LMO7: variants seen among roughly 807,000 people sequenced by gnomAD.
LMO7 encodes LIM domain only protein 7.
A neutral mutation model predicts 206.5 loss-of-function variants in LMO7; 120 were observed. That is an observed-to-expected ratio of 0.58 (90% CI 0.50 to 0.68). The LOEUF (loss-of-function observed/expected upper bound fraction) is 0.68. Among genes scored for constraint, LMO7 ranks in the 30% least tolerant of loss-of-function variants. LMO7 has a pLI of 0.00. For missense variants in LMO7, 1,959 were observed against 1,957.9 expected (o/e 1.00, Z -0.01); for synonymous variants, 706 against 681.5 (o/e 1.04, Z -0.56).
chr13:75,625,346 A>G (rs78690534), intron 2 of LMO7, among the ~76,000 whole-genome samples: 3 of 152,190 alleles, frequency 2.0e-5, no homozygotes, highest in Admixed American at 1.3e-4. Context: ...AATAGAGACT[A>G]TGACAGCACT....
intron 1 of LMO7, among the ~76,000 whole-genome samples, chr13:75,712,665 T>C (rs576713383): frequency 1.3e-5 from 2 of 152,320 alleles, no homozygotes; most frequent in Admixed American, 1.3e-4. Context: ...AATAAATGGC[T>C]CTTTACATCA....
chr13:75,835,413 ATTTCTT>A, intron 18 of LMO7, 74 bp downstream of exon 18: 1 of 934,786 alleles, frequency 1.1e-6, no homozygotes. Context: ...GAAGAAAATA[ATTTCTT>A]TTGTTTGTAC....
intron 24 of LMO7, among the ~76,000 whole-genome samples, chr13:75,842,463 CT>C (rs1460274345): frequency 6.6e-6 from 1 of 152,116 alleles, no homozygotes; most frequent in East Asian, 1.9e-4. Context: ...ATACAGGCCC[CT>C]TCTCACTCTT....
chr13:75,645,054 A>G (rs1223932927), intron 1 of LMO7, among the ~76,000 whole-genome samples: 1 of 152,230 alleles, frequency 6.6e-6, no homozygotes, highest in Admixed American at 6.5e-5. Context: ...TATAACATTG[A>G]GTTATACTTT....
At position 75,820,721 on chromosome 13, in the gene LMO7, A is replaced by G. The variant is rs184992938; in HGVS notation, c.2208-456A>G. Among the ~76,000 whole-genome samples the G allele has an allele frequency of 4.4e-3, 667 of 152,310 alleles. 7 individuals are homozygous for G. The highest frequency in any genetic ancestry group is 0.015 in the African/African-American group (621 of 41,564). ...GATAATTTTATACATCTTGCTGGGCATGGTGGCTCATGCCTGTAATCCCAG... is the reference window on the plus strand; with the variant it reads ...GATAATTTTATACATCTTGCTGGGCGTGGTGGCTCATGCCTGTAATCCCAG... On this transcript the variant is annotated intron_variant, in intron 13 of 30. Transcript: ENST00000377534.
At chr13:75,760,885 C>T (rs1348976858) in intron 3 of LMO7, 47 bp from the exon 4 acceptor site, 2 of 1,608,996 alleles carry the variant, frequency 1.2e-6, no homozygotes, top group South Asian at 2.2e-5. Context: ...TAACCTTTGT[C>T]TGAGAGAGAG....
intron 1 of LMO7, among the ~76,000 whole-genome samples, chr13:75,704,229 A>G (rs1227954076): frequency 1.3e-5 from 2 of 152,192 alleles, no homozygotes; most frequent in African/African-American, 4.8e-5. Context: ...ACACTTAGTT[A>G]TCTCCCTGAA....
intron 3 of LMO7, among the ~76,000 whole-genome samples, chr13:75,755,441 T>C (rs1168085886): frequency 6.6e-6 from 1 of 152,190 alleles, no homozygotes; most frequent in East Asian, 1.9e-4. Context: ...GGATGCCAGG[T>C]ATTTTTCTCT....
At chr13:75,737,238 C>G (rs2045901620) in intron 3 of LMO7, among the ~76,000 whole-genome samples, 1 of 152,096 alleles carries the variant, frequency 6.6e-6, no homozygotes, top group Non-Finnish European at 1.5e-5. Context: ...GATGCATCTA[C>G]AAGCCAGAGA....
chr13:75,741,365 A>G (rs898941829), intron 3 of LMO7, among the ~76,000 whole-genome samples: 6 of 152,234 alleles, frequency 3.9e-5, no homozygotes, highest in Non-Finnish European at 7.3e-5. Flanking sequence ...CTACTTGTGT[A>G]AGAATTTATA....
chr13:75,779,987 C>G (rs1158066832), intron 4 of LMO7, among the ~76,000 whole-genome samples: 1 of 152,048 alleles, frequency 6.6e-6, no homozygotes, highest in Admixed American at 6.5e-5. Flanking sequence ...GCCGCAAAAC[C>G]AGCAAGTTTT....
chr13:75,831,721 C>G (rs1390207885), intron 15 of LMO7, among the ~76,000 whole-genome samples: 1 of 152,136 alleles, frequency 6.6e-6, no homozygotes, highest in East Asian at 1.9e-4. Context: ...TAATTCAGTC[C>G]TGCTAGAGTG....
At chr13:75,770,623 A>G (rs1395828113) in intron 4 of LMO7, among the ~76,000 whole-genome samples, 1 of 152,124 alleles carries the variant, frequency 6.6e-6, no homozygotes, top group African/African-American at 2.4e-5. Context: ...CTCTAAGGGA[A>G]TGCTGGATTT....
At chr13:75,849,044 C>A in intron 26 of LMO7, 35 bp from the exon 27 acceptor site, 1 of 1,298,350 alleles carries the variant, frequency 7.7e-7, no homozygotes, top group Non-Finnish European at 1.1e-6. Flanking sequence ...TTAAAAGGTA[C>A]TAATCCCAAA....
intron 1 of LMO7, among the ~76,000 whole-genome samples, chr13:75,660,256 T>G (rs1041957139): frequency 7.9e-5 from 12 of 152,246 alleles, no homozygotes; most frequent in African/African-American, 2.9e-4. Context: ...AAAGTACACC[T>G]TAGCTGACAT....
chr13:75,659,634 T>TA (rs1240635153), intron 1 of LMO7, among the ~76,000 whole-genome samples: 1 of 152,154 alleles, frequency 6.6e-6, no homozygotes, highest in African/African-American at 2.4e-5. Flanking sequence ...ATGATTCAAT[T>TA]ACCTCCCCCT....
At chr13:75,668,049 A>G (rs1454412978) in intron 1 of LMO7, among the ~76,000 whole-genome samples, 1 of 152,128 alleles carries the variant, frequency 6.6e-6, no homozygotes, top group African/African-American at 2.4e-5. Flanking sequence ...CTCTACTAAA[A>G]ATACAAAAAT....
intron 1 of LMO7, among the ~76,000 whole-genome samples, chr13:75,687,774 C>G (rs896909882): frequency 6.6e-6 from 1 of 152,144 alleles, no homozygotes; most frequent in Non-Finnish European, 1.5e-5. Flanking sequence ...GAGATAGACT[C>G]TCTTGGTACT....
intron 11 of LMO7, among the ~76,000 whole-genome samples, chr13:75,812,926 T>A (rs181198268): frequency 6.6e-6 from 1 of 152,238 alleles, no homozygotes. Context: ...CAATCCTTCA[T>A]AGTTTTCCCA....
Sources: gnomAD v4.1 joint callset for allele counts (sites outside exome capture counted in the v4.1 genomes callset) on GRCh38, gnomAD v4.1.1 for gene constraint, MANE v1.5 for transcripts, NCBI Gene and HGNC (gene_info 2026-07-23, HGNC 2026-07-21) for gene names.